Variants in ZNF433 observed in about 807,000 individuals in gnomAD.
ZNF433 encodes the protein zinc finger protein 433.
A neutral mutation model predicts 10.6 loss-of-function variants in ZNF433; 12 were observed. The ratio of observed to expected loss-of-function variants is 1.13; its 90% CI spans 0.72 to 1.83. The LOEUF (loss-of-function observed/expected upper bound fraction) is 1.83, where lower values mean the gene tolerates loss of function less well. ZNF433 is among the 40% of genes most tolerant of loss of function. The probability of loss-of-function intolerance (pLI) is 0.00; values close to 1 mark genes in which losing one functional copy is unlikely to be tolerated. For missense variants in ZNF433, 737 were observed against 798.0 expected (o/e 0.92, Z 0.92); for synonymous variants, 272 against 271.3 (o/e 1.00, Z -0.02).
chr19:12,018,445 C>T, intron 1 of ZNF433, 153 bp from the exon 2 acceptor site: 1 of 844,158 alleles, frequency 1.2e-6, no homozygotes, highest in Non-Finnish European at 1.6e-6. Flanking sequence ...CACTCAGTTT[C>T]TTCCATAAAG....
chr19:12,022,995 C>A (rs1974567933), intron 1 of ZNF433, among the ~76,000 whole-genome samples: 1 of 152,302 alleles, frequency 6.6e-6, no homozygotes, highest in African/African-American at 2.4e-5. Context: ...AGAGGCTTGG[C>A]AGTTCCCTGT....
At position 12,018,416 on chromosome 19, in the gene ZNF433, ACCTCATACTCTCTG is replaced by A; in HGVS notation, c.4-138_4-125del. ...AAAACAATTATTCCATGACCATCAG[ACCTCATACTCTCTG>A]TCTACACTCAGTTTCTTCCATAAAG... is the stretch of plus-strand genomic sequence containing the variant. On this transcript the variant is annotated intron_variant, in intron 1 of 3. Coordinates refer to ENST00000550507, the MANE Select transcript of ZNF433 (RefSeq NM_001308348.2). 3 of 1,146,520 alleles carry A rather than the reference ACCTCATACTCTCTG, an allele frequency of 2.6e-6. No individual in the cohort carries two copies. The South Asian group carries it at 6.6e-5, about 25-fold the overall frequency. The allele number at this position is 1,146,520 out of a possible 1,614,324, so 71.0% of individuals were successfully genotyped here.
At chr19:12,034,777 C>T in intron 1 of ZNF433, 5 of 453,950 alleles carry the variant, frequency 1.1e-5, no homozygotes, top group South Asian at 7.8e-5. Context: ...ACCACCTGCA[C>T]CTTCTAACCC....
In ZNF433 at chr19:12,029,733, T is replaced by G. The variant is rs965047729; in HGVS notation, c.3+5804A>C. Among the ~76,000 whole-genome samples, 9 of 151,784 alleles carry G rather than the reference T, an allele frequency of 5.9e-5. No individual in the cohort carries two copies. In the East Asian group the frequency reaches 1.7e-3, roughly 29 times the overall value. ...GATCCCTCGTGAATGGGATTAGTAC[T>G]CTTATGAGACACAGGATAGCTTGTT... is the stretch of plus-strand genomic sequence containing the variant. On this transcript the variant is annotated intron_variant, in intron 1 of 3. Transcript: ENST00000550507.
chr19:12,022,750 C>G (rs1020568568), intron 1 of ZNF433, among the ~76,000 whole-genome samples: 1 of 152,146 alleles, frequency 6.6e-6, no homozygotes, highest in Non-Finnish European at 1.5e-5. Flanking sequence ...GATGACAGAG[C>G]AGGTTTGTTT....
intron 1 of ZNF433, among the ~76,000 whole-genome samples, chr19:12,032,903 A>G (rs1975100299): frequency 6.6e-6 from 1 of 152,184 alleles, no homozygotes; most frequent in African/African-American, 2.4e-5. Context: ...GTGAACAATT[A>G]TTTACAAAAA....
chr19:12,029,677 G>T (rs1974912837), intron 1 of ZNF433, among the ~76,000 whole-genome samples: 1 of 152,118 alleles, frequency 6.6e-6, no homozygotes, highest in South Asian at 2.1e-4. Flanking sequence ...TCTCTGAGAA[G>T]TCATTAGAAT....
At chr19:12,034,712 A>C (rs1975194243) in intron 1 of ZNF433, 1 of 429,136 alleles carries the variant, frequency 2.3e-6, no homozygotes, top group Non-Finnish European at 4.7e-6. Context: ...TACCGCCTCG[A>C]AGTTTTAGAC....
At chr19:12,032,593 C>T (rs560045608) in intron 1 of ZNF433, among the ~76,000 whole-genome samples, 1 of 151,638 alleles carries the variant, frequency 6.6e-6, no homozygotes, top group South Asian at 2.1e-4. Flanking sequence ...AAGGGATTCT[C>T]GTGCCTCAGT....
rs770265730 is a variant in ZNF433 at position 12,034,869 on chromosome 19, G to T, written c.3+668C>A. ...ATGCATGATTCTCCCTGCAATTCCT[G>T]TCTCCCTGAAATGAATAAAAACAGT... On this transcript the variant is annotated intron_variant, in intron 1 of 3. Transcript: ENST00000550507. The T allele has an allele frequency of 2.2e-5, 10 of 454,126 alleles. 1 individual carries two copies. The highest frequency in any genetic ancestry group is 1.6e-4 in the South Asian group (10 of 64,468). The allele number at this position is 454,126 out of a possible 1,614,324, so 28.1% of individuals were successfully genotyped here.
intron 1 of ZNF433, among the ~76,000 whole-genome samples, chr19:12,030,515 C>T (rs779681858): frequency 1.7e-4 from 26 of 152,262 alleles, no homozygotes; most frequent in African/African-American, 6.0e-4. Flanking sequence ...CCACCATGCC[C>T]GGCCTAGAAA....
rs1234069637 is a variant in ZNF433, at chr19:12,018,295, G to C, written c.4-3C>G. ...ACATCCTCAAAGGCCACTGAATCCT[G>C]AAACATCTCACATGTATAGAGGAGG... On this transcript the variant is annotated splice_region_variant and splice_polypyrimidine_tract_variant and intron_variant, in intron 1 of 3. Coordinates refer to ENST00000550507, the MANE Select transcript of ZNF433 (RefSeq NM_001308348.2). 6.2e-7 allele frequency: 1 copy of C among 1,613,154 alleles called. No homozygotes were observed. Among genetic ancestry groups the C allele is most frequent in the Admixed American group, 1.7e-5 (1 of 59,722 alleles).
At chr19:12,017,840 A>C in intron 3 of ZNF433, 36 bp downstream of exon 3, 1 of 1,273,294 alleles carries the variant, frequency 7.9e-7, no homozygotes, top group Non-Finnish European at 1.1e-6. Flanking sequence ...AAGATTTTCT[A>C]GAGACACACG....
chr19:12,017,771 T>A, intron 3 of ZNF433, 105 bp downstream of exon 3: 1 of 791,614 alleles, frequency 1.3e-6, no homozygotes, highest in African/African-American at 1.8e-5. Context: ...ATAAATAGAT[T>A]GAAATTGTGC....
Position 12,016,135 on chromosome 19 carries a change from A to G in ZNF433, c.723T>C (p.His241=). The change falls in exon 4 of 4, where the codon CAT becomes CAC. Residue 241 remains histidine, a synonymous_variant. Transcript: ENST00000550507. Reference sequence around the variant, plus strand: ...GCTTCTCCCCAGTGTGAGTTCTTTCATGTATTCGAAGGCTACTAGAATGAC... The same window carrying G: ...GCTTCTCCCCAGTGTGAGTTCTTTCGTGTATTCGAAGGCTACTAGAATGAC... ...AFSHSSSLRI[H]ERTHTGEKPY... The G allele has an allele frequency of 1.2e-6, 2 of 1,614,124 alleles. No individual in the cohort carries two copies. The highest frequency in any genetic ancestry group is 1.6e-4 in the Middle Eastern group (1 of 6,062).
Position 12,035,551 on chromosome 19 carries a change from C to G in ZNF433, c.-12G>C, listed in dbSNP as rs1260797307. ...CGCACGCTCACCATTTCTTGCCTTT[C>G]AGGTGACTCCCACGACCAGTGCGGG... On this transcript the variant is annotated 5_prime_UTR_variant, in exon 1 of 4. Coordinates refer to ENST00000550507, the MANE Select transcript of ZNF433 (RefSeq NM_001308348.2). The G allele has an allele frequency of 3.8e-6, 6 of 1,571,294 alleles. No homozygotes were observed. The highest frequency in any genetic ancestry group is 5.2e-6 in the Non-Finnish European group (6 of 1,158,360).
chr19:12,026,430 G>T, intron 1 of ZNF433: 1 of 307,604 alleles, frequency 3.3e-6, no homozygotes, highest in Non-Finnish European at 6.3e-6. Context: ...GTCACAATGA[G>T]TAATTTAATG....
In ZNF433 at chr19:12,016,365, T is replaced by G. The variant is rs1433517402; in HGVS notation, c.493A>C (p.Lys165Gln). The part of the protein sequence containing the change: ...QTHERAHSGR[K>Q]LYVCEECGKT... Reference sequence around the variant, plus strand: ...CCGCATTCCTCACAAACATAGAGTTTCCTTCCACTATGAGCCCTTTCATGT... The same window carrying G: ...CCGCATTCCTCACAAACATAGAGTTGCCTTCCACTATGAGCCCTTTCATGT... Residue 165 changes from lysine (K) to glutamine (Q), a missense_variant, in exon 4 of 4, where the codon AAA becomes CAA. Coordinates refer to ENST00000550507, the MANE Select transcript of ZNF433 (RefSeq NM_001308348.2). 6.2e-7 allele frequency: 1 copy of G among 1,614,186 alleles called. No homozygotes were observed. The highest frequency in any genetic ancestry group is 1.1e-5 in the South Asian group (1 of 91,084).
chr19:12,016,210 A>G lies in ZNF433; in HGVS notation c.648T>C (p.Thr216=), dbSNP rs1974189038. ...FLSLYLIHKR[T]HTGEKPYQCK... ...ATTGATATGGTTTCTCTCCAGTGTG[A>G]GTTCGTTTGTGGATAAGATACAAAC... is the stretch of plus-strand genomic sequence containing the variant. Residue 216 remains threonine, a synonymous_variant, in exon 4 of 4, where the codon ACT becomes ACC. Coordinates refer to ENST00000550507, the MANE Select transcript of ZNF433 (RefSeq NM_001308348.2). The G allele has an allele frequency of 6.2e-7, 1 of 1,614,094 alleles. No homozygotes were observed. The highest frequency in any genetic ancestry group is 1.7e-5 in the Admixed American group (1 of 60,004).
Sources: gnomAD v4.1 joint callset for allele counts (sites outside exome capture counted in the v4.1 genomes callset) on GRCh38, gnomAD v4.1.1 for gene constraint, MANE v1.5 for transcripts, NCBI Gene and HGNC (gene_info 2026-07-23, HGNC 2026-07-21) for gene names.